The following MEF2C variants were observed in gnomAD, a reference collection of about 807,000 sequenced individuals.
MEF2C encodes the protein myocyte-specific enhancer factor 2C.
Under a neutral mutation model 50.5 loss-of-function variants are expected in MEF2C, and 6 were observed. That is an observed-to-expected ratio of 0.12 (90% CI 0.07 to 0.23). MEF2C has a LOEUF of 0.23. Ranked by LOEUF, MEF2C falls within the 10% of genes least tolerant of loss-of-function variation. MEF2C has a pLI of 1.00. For missense variants in MEF2C, 276 were observed against 605.0 expected (o/e 0.46, Z 5.70); for synonymous variants, 183 against 228.0 (o/e 0.80, Z 1.78).
At chr5:88,812,626 A>G (rs1803372493) in intron 2 of MEF2C, among the ~76,000 whole-genome samples, 1 of 152,106 alleles carries the variant, frequency 6.6e-6, no homozygotes, top group African/African-American at 2.4e-5. Context: ...AAGTTCAACG[A>G]TTTTATAATT....
chr5:88,744,276 A>G (rs569370058), intron 6 of MEF2C: 40 of 508,032 alleles, frequency 7.9e-5, no homozygotes, highest in Non-Finnish European at 9.9e-5. Flanking sequence ...TAATGTGGTC[A>G]GGCATGGTGG....
intron 3 of MEF2C, among the ~76,000 whole-genome samples, chr5:88,796,269 T>C (rs1795987752): frequency 6.6e-6 from 1 of 152,204 alleles, no homozygotes; most frequent in African/African-American, 2.4e-5. Flanking sequence ...CATCTGGTCC[T>C]GGACTTCTTT....
intron 6 of MEF2C, chr5:88,740,580 T>C (rs2152408731): frequency 1.0e-6 from 1 of 985,068 alleles, no homozygotes; most frequent in South Asian, 4.7e-5. Flanking sequence ...AAATGCAGGT[T>C]GCTACCACTA....
At chr5:88,851,238 A>G (rs1456028963) in intron 1 of MEF2C, among the ~76,000 whole-genome samples, 1 of 150,800 alleles carries the variant, frequency 6.6e-6, no homozygotes, top group Admixed American at 6.6e-5. Flanking sequence ...TCTCACAAAA[A>G]AAAAAAAAAA....
At chr5:88,863,521 TATACA>T (rs577114118) in intron 1 of MEF2C, among the ~76,000 whole-genome samples, 42 of 152,360 alleles carry the variant, frequency 2.8e-4, no homozygotes, top group East Asian at 7.7e-4. Context: ...TATTTTGAAA[TATACA>T]ATACATTATT....
At chr5:88,766,538 A>C (rs745324719) in intron 3 of MEF2C, 35 of 655,234 alleles carry the variant, frequency 5.3e-5, no homozygotes, top group Middle Eastern at 7.7e-4. Flanking sequence ...TTTTTTTCAG[A>C]GAACCACCAT....
intron 6 of MEF2C, chr5:88,735,789 T>A: frequency 1.0e-6 from 1 of 985,414 alleles, no homozygotes; most frequent in South Asian, 4.7e-5. Flanking sequence ...AAGAACATAT[T>A]CCTGGCTTAA....
intron 6 of MEF2C, chr5:88,740,272 A>G: frequency 1.2e-6 from 1 of 858,082 alleles, no homozygotes; most frequent in African/African-American, 2.3e-5. Context: ...GTGTGTGTGA[A>G]ATTAACAGTC....
intron 4 of MEF2C, among the ~76,000 whole-genome samples, chr5:88,760,355 T>C (rs976490690): frequency 6.6e-6 from 1 of 152,240 alleles, no homozygotes; most frequent in African/African-American, 2.4e-5. Context: ...TGGAAAATGT[T>C]GGTGGCAAAG....
intron 1 of MEF2C, among the ~76,000 whole-genome samples, chr5:88,846,270 G>A (rs533479553): frequency 6.6e-6 from 1 of 152,218 alleles, no homozygotes; most frequent in East Asian, 1.9e-4. Flanking sequence ...GTTTCACCAT[G>A]TTGATCAGGC....
chr5:88,768,300 G>C (rs1780890133), intron 3 of MEF2C, among the ~76,000 whole-genome samples: 1 of 152,190 alleles, frequency 6.6e-6, no homozygotes, highest in Non-Finnish European at 1.5e-5. Flanking sequence ...ATAAATGCTA[G>C]ATGAATGAAT....
intron 4 of MEF2C, among the ~76,000 whole-genome samples, chr5:88,759,594 A>T (rs1262831526): frequency 1.3e-5 from 2 of 152,194 alleles, no homozygotes; most frequent in African/African-American, 4.8e-5. Flanking sequence ...ATAATTCTGG[A>T]CATAACAAGT....
At chr5:88,787,998 G>A (rs955519927) in intron 3 of MEF2C, among the ~76,000 whole-genome samples, 8 of 152,090 alleles carry the variant, frequency 5.3e-5, no homozygotes, top group African/African-American at 1.9e-4. Flanking sequence ...TGCCAACTGA[G>A]TGATTCAACT....
At chr5:88,856,116 T>G (rs935727736) in intron 1 of MEF2C, among the ~76,000 whole-genome samples, 3 of 152,162 alleles carry the variant, frequency 2.0e-5, no homozygotes, top group African/African-American at 7.2e-5. Flanking sequence ...GAGAAACTTG[T>G]TGGGAACTGG....
chr5:88,813,793 A>G (rs1183558522), intron 2 of MEF2C, among the ~76,000 whole-genome samples: 1 of 152,074 alleles, frequency 6.6e-6, no homozygotes, highest in African/African-American at 2.4e-5. Flanking sequence ...TAACTCATAA[A>G]TAGTAGTTTC....
At chr5:88,889,065 G>C (rs568364700) in intron 1 of MEF2C, 1 of 152,280 alleles carries the variant, frequency 6.6e-6, no homozygotes, top group East Asian at 1.9e-4. Flanking sequence ...GGTTGTGGTG[G>C]AAGTGGGGAT....
rs1451550301 is a variant in MEF2C, at chr5:88,722,691, G to T, written c.1335C>A (p.Ser445=). The change falls in exon 11 of 11, where the codon TCC becomes TCA. Residue 445 remains serine (S), a synonymous_variant. Coordinates refer to ENST00000504921, the MANE Select transcript of MEF2C (RefSeq NM_002397.5). ...DREDHRNEFH[S]PIGLTRPSPD... ...GCGAAGGTCTGGTGAGTCCAATGGG[G>T]GAGTGGAATTCGTTCCGGTGATCCT... 2 of 1,613,968 alleles carry T rather than the reference G, an allele frequency of 1.2e-6. No homozygotes were observed. Among genetic ancestry groups the T allele is most frequent in the Admixed American group, 3.3e-5 (2 of 60,020 alleles).
rs553295856 is a variant in MEF2C at position 88,729,503 on chromosome 5, T to G, written c.835-156A>C. The stretch of plus-strand genomic sequence containing the variant: ...GTCTCTATGAACTCTGCCAACCCTA[T>G]CATTTACAATCCTTCAAGAGACCAG... On this transcript the variant is annotated intron_variant, in intron 8 of 10. Coordinates refer to ENST00000504921, the MANE Select transcript of MEF2C (RefSeq NM_002397.5). 1.2e-4 allele frequency: 83 copies of G among 684,474 alleles called. 1 individual carries two copies. In the African/African-American group the frequency reaches 1.4e-3, roughly 12 times the overall value. 42.4% of individuals were successfully genotyped at this position (684,474 alleles called of 1,614,324 possible). A position where few individuals can be genotyped will look rare whatever the true frequency, so the allele number is the denominator to read the frequency against.
rs1282546400 is a variant in MEF2C, at chr5:88,717,511, T to C, written c.*5093A>G. 1 of 152,218 alleles carries C rather than the reference T, an allele frequency of 6.6e-6. No individual in the cohort carries two copies. Among genetic ancestry groups the C allele is most frequent in the African/African-American group, 2.4e-5 (1 of 41,458 alleles). 9.4% of individuals were successfully genotyped at this position (152,218 alleles called of 1,614,324 possible). A position where few individuals can be genotyped will look rare whatever the true frequency, so the allele number is the denominator to read the frequency against. Reference sequence around the variant, plus strand: ...TTACATATAATAATTGCTTAATACATGTTTGCTGAAAATGAATACAAGAGA... The same window carrying C: ...TTACATATAATAATTGCTTAATACACGTTTGCTGAAAATGAATACAAGAGA... On this transcript the variant is annotated 3_prime_UTR_variant, in exon 11 of 11. Coordinates refer to ENST00000504921, the MANE Select transcript of MEF2C (RefSeq NM_002397.5).
Sources: allele counts gnomAD v4.1 joint callset (sites outside exome capture counted in the v4.1 genomes callset), GRCh38; gene constraint gnomAD v4.1.1; transcripts MANE v1.5; gene names NCBI Gene and HGNC (gene_info 2026-07-23, HGNC 2026-07-21).